POLR3C: variants seen among roughly 807,000 people sequenced by gnomAD.
POLR3C encodes the protein RNA polymerase III subunit C.
Under a neutral mutation model 65.9 loss-of-function variants are expected in POLR3C, and 44 were observed. The observed-to-expected ratio is 0.67, with a 90% CI of 0.52 to 0.86. POLR3C has a LOEUF of 0.86. Ranked by LOEUF, POLR3C falls within the 40% of genes least tolerant of loss-of-function variation. The pLI, the probability that POLR3C is intolerant of heterozygous loss-of-function variation, is 0.00. For synonymous variants in POLR3C, 263 were observed against 231.6 expected, an observed-to-expected ratio of 1.14 and a Z score of -1.23; for missense variants, 576 against 653.2, an observed-to-expected ratio of 0.88 and a Z score of 1.29.
At position 145,840,949 on chromosome 1, in the gene POLR3C, A is replaced by G. The variant is rs1652242259; in HGVS notation, c.1401A>G (p.Val467=). 1.9e-5 allele frequency: 30 copies of G among 1,613,468 alleles called. No homozygotes were observed. The highest frequency in any genetic ancestry group is 2.4e-5 in the Non-Finnish European group (28 of 1,179,476). ...NKRLLEKSQR[V]EAIIASMQAT... Reference sequence around the variant, plus strand: ...GTCTACTAGAAAAATCTCAGAGGGTAGAAGCCATCATTGCATCTATGCAGG... The same window carrying G: ...GTCTACTAGAAAAATCTCAGAGGGTGGAAGCCATCATTGCATCTATGCAGG... The change falls in exon 14 of 15, where the codon GTA becomes GTG. Residue 467 remains valine, a synonymous_variant. Coordinates refer to ENST00000334163, the MANE Select transcript of POLR3C (RefSeq NM_006468.8).
At chr1:145,825,004 A>G (rs922065543) in intron 1 of POLR3C, among the ~76,000 whole-genome samples, 1 of 152,208 alleles carries the variant, frequency 6.6e-6, no homozygotes, top group African/African-American at 2.4e-5. Flanking sequence ...AATTTGATGC[A>G]TAGTCTTTTC....
chr1:145,838,385 T>C (rs1169364453), intron 11 of POLR3C, among the ~76,000 whole-genome samples, 179 bp downstream of exon 11: 6 of 152,100 alleles, frequency 3.9e-5, no homozygotes, highest in Non-Finnish European at 7.4e-5. Flanking sequence ...TTAACTGCCC[T>C]AGTGAGAAAG....
In POLR3C at chr1:145,826,504, A is replaced by G; in HGVS notation, c.198A>G (p.Gln66=). 1 of 1,613,788 alleles carries G rather than the reference A, an allele frequency of 6.2e-7. No individual in the cohort carries two copies. Among genetic ancestry groups the G allele is most frequent in the Non-Finnish European group, 8.5e-7 (1 of 1,179,896 alleles). The change falls in exon 3 of 15, where the codon CAA becomes CAG. Residue 66 remains glutamine, a synonymous_variant. Coordinates refer to ENST00000334163, the MANE Select transcript of POLR3C (RefSeq NM_006468.8). ...VLVQHNLVSY[Q]VHKRGVVEYE... is the part of the protein sequence containing the mutation. ...TCCAACATAACCTGGTGAGTTATCA[A>G]GTGCACAAACGTGGTGTGGTGGAGT...
chr1:145,836,412 G>T lies in POLR3C; in HGVS notation c.877-82G>T, dbSNP rs1570743902. On this transcript the variant is annotated intron_variant, in intron 7 of 14. Coordinates refer to ENST00000334163, the MANE Select transcript of POLR3C (RefSeq NM_006468.8). The stretch of plus-strand genomic sequence containing the variant: ...TCGGATTACAGGCCTTAGCCACTGT[G>T]CCCGGCCTAAAACATCTTTATTTCA... 7 of 825,636 alleles carry T rather than the reference G, an allele frequency of 8.5e-6. No individual in the cohort carries two copies. The East Asian group carries it at 1.7e-4, about 20-fold the overall frequency. 51.1% of individuals were successfully genotyped at this position (825,636 alleles called of 1,614,324 possible).
At chr1:145,824,438 C>G in intron 1 of POLR3C, 69 bp downstream of exon 1, 1 of 718,204 alleles carries the variant, frequency 1.4e-6, no homozygotes, top group Non-Finnish European at 2.1e-6. Flanking sequence ...GAAACGGGAA[C>G]CTGTGTAAAG....
intron 4 of POLR3C, among the ~76,000 whole-genome samples, chr1:145,827,946 G>T (rs1650925212): frequency 6.6e-6 from 1 of 151,840 alleles, no homozygotes; most frequent in Admixed American, 6.6e-5. Flanking sequence ...AAAAAGAAAA[G>T]AAAATATATA....
rs1651892878 is a variant in POLR3C at position 145,836,854 on chromosome 1, A to G, written c.997A>G (p.Met333Val). 3.2e-6 allele frequency: 5 copies of G among 1,580,214 alleles called. No homozygotes were observed. Among genetic ancestry groups the G allele is most frequent in the Non-Finnish European group, 2.6e-6 (3 of 1,150,290 alleles). ...AAAGTCTGGCGACAGTGGTGGAGGA[A>G]TGTATGTCATCAGTATCCTTACCAG... The part of the protein sequence containing the change: ...VGKSGDSGGG[M>V]YVINLHKALA... Residue 333 changes from methionine to valine, a missense_variant, in exon 9 of 15, where the codon ATG (methionine) becomes GTG (valine). By Grantham distance (21) the Met-to-Val change is conservative. Coordinates refer to ENST00000334163, the MANE Select transcript of POLR3C (RefSeq NM_006468.8).
intron 4 of POLR3C, among the ~76,000 whole-genome samples, chr1:145,828,308 A>C (rs1650958830): frequency 6.6e-6 from 1 of 152,198 alleles, no homozygotes; most frequent in Non-Finnish European, 1.5e-5. Context: ...GCTAAGAGCA[A>C]AGGAAGACCA....
At chr1:145,836,442 G>C (rs924557385) in intron 7 of POLR3C, 52 bp from the exon 8 acceptor site, 1 of 980,178 alleles carries the variant, frequency 1.0e-6, no homozygotes. Flanking sequence ...ATTTCAGTAA[G>C]GTCAGGAGTT....
chr1:145,841,587 T>C (rs1443223277), intron 14 of POLR3C, among the ~76,000 whole-genome samples: 1 of 152,240 alleles, frequency 6.6e-6, no homozygotes, highest in African/African-American at 2.4e-5. Flanking sequence ...AGTTTAGTGG[T>C]CGCTTATTTC....
chr1:145,842,343 G>A lies in POLR3C; in HGVS notation c.1528G>A (p.Asp510Asn). 6.2e-7 allele frequency: 1 copy of A among 1,602,364 alleles called. No individual in the cohort carries two copies. Among genetic ancestry groups the A allele is most frequent in the Non-Finnish European group, 8.5e-7 (1 of 1,170,646 alleles). The change falls in exon 15 of 15, where the codon GAT becomes AAT. Residue 510 changes from aspartate (D) to asparagine (N), a missense_variant. Physicochemically the swap from Asp to Asn is conservative, Grantham distance 23 (BLOSUM62 1). Transcript: ENST00000334163. ...ATGCCTTTACTTTTCACTCAGGTTG[G>A]ATGCCAGTGAGATCCAGGTGGACGA... ...ETLKRNVNKL[D>N]ASEIQVDETI... is the part of the protein sequence containing the mutation.
intron 2 of POLR3C, among the ~76,000 whole-genome samples, 194 bp from the exon 3 acceptor site, chr1:145,826,260 T>C (rs1208179802): frequency 1.3e-5 from 2 of 152,210 alleles, no homozygotes; most frequent in South Asian, 2.1e-4. Flanking sequence ...AGAGGAAATA[T>C]AGCAAGGAAT....
At chr1:145,838,479 C>T (rs1171109619) in intron 11 of POLR3C, among the ~76,000 whole-genome samples, 2 of 152,008 alleles carry the variant, frequency 1.3e-5, no homozygotes, top group Non-Finnish European at 2.9e-5. Context: ...GTCAGGAGTT[C>T]GAGACCAGCC....
chr1:145,842,398 A>AATG lies in POLR3C; in HGVS notation c.1583_1584insATG (p.Glu528_Cys529insTrp), dbSNP rs1324666723. On this transcript the variant is annotated inframe_insertion, in exon 15 of 15. Coordinates refer to ENST00000334163, the MANE Select transcript of POLR3C (RefSeq NM_006468.8). Reference sequence around the variant, plus strand: ...ATCTTCCTGCTGGAGTCTTACATTGAGTGCACCATGAAGAGACAGTGATCC... The same window carrying AATG: ...ATCTTCCTGCTGGAGTCTTACATTGAATGGTGCACCATGAAGAGACAGTGATCC... The AATG allele has an allele frequency of 1.9e-6, 3 of 1,609,056 alleles. No homozygotes were observed. Among genetic ancestry groups the AATG allele is most frequent in the Non-Finnish European group, 2.6e-6 (3 of 1,175,912 alleles).
At chr1:145,829,152 C>T (rs587699227) in intron 5 of POLR3C, among the ~76,000 whole-genome samples, 1 of 152,292 alleles carries the variant, frequency 6.6e-6, no homozygotes, top group South Asian at 2.1e-4. Context: ...AAAAACTATA[C>T]ATAGGCCTGA....
chr1:145,836,114 T>A (rs183862769), intron 7 of POLR3C, among the ~76,000 whole-genome samples: 1 of 77,724 alleles, frequency 1.3e-5, no homozygotes, highest in African/African-American at 3.3e-5. Flanking sequence ...TAACTAAAAT[T>A]AAAACTTTTT....
chr1:145,826,799 CT>C lies in POLR3C; in HGVS notation c.404-16del. The C allele has an allele frequency of 6.2e-7, 1 of 1,604,654 alleles. No individual in the cohort carries two copies. The highest frequency in any genetic ancestry group is 8.5e-7 in the Non-Finnish European group (1 of 1,173,644). On this transcript the variant is annotated intron_variant, in intron 3 of 14. Transcript: ENST00000334163. The stretch of plus-strand genomic sequence containing the variant: ...AGCTATCTTAGGCCATCTCATCTGC[CT>C]TTTTCCTCCTGTTATACAGATGGCA...
At chr1:145,835,878 G>C (rs1651776801) in intron 7 of POLR3C, among the ~76,000 whole-genome samples, 2 of 152,054 alleles carry the variant, frequency 1.3e-5, no homozygotes, top group Non-Finnish European at 2.9e-5. Flanking sequence ...ACCCAACCTA[G>C]TCATACTGTT....
At chr1:145,827,742 G>A (rs1473907729) in intron 4 of POLR3C, among the ~76,000 whole-genome samples, 1 of 139,810 alleles carries the variant, frequency 7.2e-6, no homozygotes, top group Non-Finnish European at 1.5e-5. Context: ...CTGGGCAACA[G>A]AGCCAGACTC....
Sources: allele counts gnomAD v4.1 joint callset (sites outside exome capture counted in the v4.1 genomes callset), GRCh38; gene constraint gnomAD v4.1.1; transcripts MANE v1.5; gene names NCBI Gene and HGNC (gene_info 2026-07-23, HGNC 2026-07-21).